ANKRD44: variants seen among roughly 807,000 people sequenced by gnomAD.
ANKRD44 encodes the protein ankyrin repeat domain 44, also known as serine/threonine-protein phosphatase 6 regulatory ankyrin repeat subunit B.
ANKRD44 carries 35 observed loss-of-function variants against 116.0 expected under a neutral mutation model. The ratio of observed to expected loss-of-function variants is 0.30; its 90% CI spans 0.23 to 0.40. The LOEUF (loss-of-function observed/expected upper bound fraction) is 0.40. Ranked by LOEUF, ANKRD44 falls within the 10% of genes least tolerant of loss-of-function variation. ANKRD44 has a pLI of 1.00. For missense variants in ANKRD44, 1,014 were observed against 1,242.6 expected (o/e 0.82, Z 2.77); for synonymous variants, 435 against 461.8 (o/e 0.94, Z 0.74).
Position 196,989,326 on chromosome 2 carries a change from G to A in ANKRD44, c.*265C>T, listed in dbSNP as rs1446796524. 2 of 1,031,820 alleles carry A rather than the reference G, an allele frequency of 1.9e-6. No individual in the cohort carries two copies. Among genetic ancestry groups the A allele is most frequent in the Non-Finnish European group, 2.3e-6 (2 of 861,246 alleles). 63.9% of individuals were successfully genotyped at this position (1,031,820 alleles called of 1,614,324 possible). The stretch of plus-strand genomic sequence containing the variant: ...ACATCATCAGTTACAAATGTTAAGT[G>A]GTCAACTAGAAATCTGTGTCCTAAG... On this transcript the variant is annotated 3_prime_UTR_variant, in exon 28 of 28. Coordinates refer to ENST00000282272, the MANE Select transcript of ANKRD44 (RefSeq NM_001195144.2).
intron 16 of ANKRD44, among the ~76,000 whole-genome samples, chr2:197,043,109 T>C (rs2076941273): frequency 6.6e-6 from 1 of 152,232 alleles, no homozygotes; most frequent in South Asian, 2.1e-4. Context: ...ATTCTCACCC[T>C]AACCAGTTTC....
chr2:197,002,651 C>T (rs1362460345), intron 21 of ANKRD44, among the ~76,000 whole-genome samples: 1 of 152,202 alleles, frequency 6.6e-6, no homozygotes, highest in East Asian at 1.9e-4. Flanking sequence ...TAAGACAGAT[C>T]TTGCTGCCTG....
chr2:197,091,070 G>C (rs895115294), intron 10 of ANKRD44, among the ~76,000 whole-genome samples: 4 of 152,230 alleles, frequency 2.6e-5, no homozygotes, highest in Non-Finnish European at 4.4e-5. Context: ...CTTTGCCCTC[G>C]CTGGCGGAGG....
intron 2 of ANKRD44, among the ~76,000 whole-genome samples, chr2:197,184,639 C>CAAAAAAA: frequency 1.1e-5 from 1 of 92,324 alleles, no homozygotes; most frequent in African/African-American, 3.8e-5. Context: ...GACTCCATCT[C>CAAAAAAA]AAAAAAAAAA....
intron 3 of ANKRD44, among the ~76,000 whole-genome samples, chr2:197,138,922 T>C (rs1344629132): frequency 6.6e-6 from 1 of 152,160 alleles, no homozygotes; most frequent in Non-Finnish European, 1.5e-5. Context: ...TCAAGACACA[T>C]ATGGAAAGGT....
intron 13 of ANKRD44, among the ~76,000 whole-genome samples, chr2:197,085,850 T>G (rs2077909606): frequency 6.6e-6 from 1 of 152,148 alleles, no homozygotes; most frequent in Admixed American, 6.5e-5. Context: ...AATTGTTTCT[T>G]GCGCAAGATA....
intron 15 of ANKRD44, among the ~76,000 whole-genome samples, chr2:197,081,328 G>T (rs2077790435): frequency 6.6e-6 from 1 of 152,344 alleles, no homozygotes; most frequent in Non-Finnish European, 1.5e-5. Context: ...TCTGAGAGGA[G>T]TCTTTGTTTG....
At chr2:197,026,556 C>G (rs1040270171) in intron 16 of ANKRD44, among the ~76,000 whole-genome samples, 1 of 152,040 alleles carries the variant, frequency 6.6e-6, no homozygotes, top group Admixed American at 6.5e-5. Flanking sequence ...GCCAAGTGAG[C>G]GAGGGTGAGA....
At chr2:197,150,781 C>G (rs913032151) in intron 2 of ANKRD44, among the ~76,000 whole-genome samples, 3 of 152,028 alleles carry the variant, frequency 2.0e-5, no homozygotes, top group African/African-American at 7.2e-5. Flanking sequence ...GGTCAATACA[C>G]CAGGGGCTTG....
intron 1 of ANKRD44, among the ~76,000 whole-genome samples, chr2:197,192,445 T>C (rs190109259): frequency 1.3e-5 from 2 of 152,334 alleles, no homozygotes; most frequent in East Asian, 3.9e-4. Context: ...AAGGAAAATT[T>C]GATATTCCTA....
At chr2:197,174,858 G>A (rs2080327722) in intron 2 of ANKRD44, among the ~76,000 whole-genome samples, 1 of 152,194 alleles carries the variant, frequency 6.6e-6, no homozygotes, top group African/African-American at 2.4e-5. Context: ...TTGATTAAGG[G>A]TTGCTATTTT....
At chr2:197,128,403 C>G (rs2079025938) in intron 4 of ANKRD44, among the ~76,000 whole-genome samples, 2 of 152,280 alleles carry the variant, frequency 1.3e-5, no homozygotes, top group South Asian at 4.1e-4. Flanking sequence ...TGATATCGAG[C>G]TTTTTTTCAT....
At chr2:196,979,981 C>T (rs532309033) in intron 21 of ANKRD44, among the ~76,000 whole-genome samples, 3 of 152,246 alleles carry the variant, frequency 2.0e-5, no homozygotes, top group Admixed American at 1.3e-4. Context: ...ACCAGGCTGG[C>T]GGCAAGGAAA....
chr2:197,197,929 A>G (rs1002270384), intron 1 of ANKRD44: 1 of 152,232 alleles, frequency 6.6e-6, no homozygotes, highest in Non-Finnish European at 1.5e-5. Flanking sequence ...AAGGTGTAAC[A>G]GGAAGTATAC....
rs2076189549 is a variant in ANKRD44 at position 197,005,728 on chromosome 2, TTGG to T, written c.2310_2312del (p.Asn770_Gln771delinsLys). On this transcript the variant is annotated inframe_deletion, in exon 21 of 28. Coordinates refer to ENST00000282272, the MANE Select transcript of ANKRD44 (RefSeq NM_001195144.2). The stretch of plus-strand genomic sequence containing the variant: ...AAGCCCAGTGCAGCGGCGTGTAGCC[TTGG>T]TTATCTTTGAAACAACAGTCCTCCT... 1 of 1,613,948 alleles carries T rather than the reference TTGG, an allele frequency of 6.2e-7. No homozygotes were observed.
chr2:197,112,175 C>CA (rs775522455), intron 8 of ANKRD44, among the ~76,000 whole-genome samples: 5 of 152,018 alleles, frequency 3.3e-5, no homozygotes, highest in South Asian at 2.1e-4. Flanking sequence ...GTATTGTTAT[C>CA]AAAAAAATCT....
chr2:197,019,373 T>C (rs1176069135), intron 17 of ANKRD44, among the ~76,000 whole-genome samples: 1 of 152,240 alleles, frequency 6.6e-6, no homozygotes, highest in Non-Finnish European at 1.5e-5. Flanking sequence ...TATTCTAACC[T>C]AAACTCTGAA....
intron 1 of ANKRD44, among the ~76,000 whole-genome samples, chr2:197,253,273 T>G (rs892597279): frequency 6.6e-6 from 1 of 152,224 alleles, no homozygotes; most frequent in Non-Finnish European, 1.5e-5. Flanking sequence ...CCAATTTATC[T>G]ACTGATGGCT....
In ANKRD44 at chr2:197,126,052, G is replaced by A. The variant is rs866700468; in HGVS notation, c.262-15C>T. On this transcript the variant is annotated splice_polypyrimidine_tract_variant and intron_variant, in intron 4 of 27. Coordinates refer to ENST00000282272, the MANE Select transcript of ANKRD44 (RefSeq NM_001195144.2). ...TGTACTGCTTCCTACAACAAAAGCAGAGTTTGCAGAGGTCACTGACAGACG... is the reference window on the plus strand; with the variant it reads ...TGTACTGCTTCCTACAACAAAAGCAAAGTTTGCAGAGGTCACTGACAGACG... The A allele has an allele frequency of 9.9e-6, 16 of 1,613,950 alleles. 1 individual carries two copies. In the Middle Eastern group the frequency reaches 1.5e-3, roughly 150 times the overall value.
Sources: allele counts gnomAD v4.1 joint callset (sites outside exome capture counted in the v4.1 genomes callset), GRCh38; gene constraint gnomAD v4.1.1; transcripts MANE v1.5; gene names NCBI Gene and HGNC (gene_info 2026-07-23, HGNC 2026-07-21).